Variants in FAM210A observed in about 807,000 individuals in gnomAD.
FAM210A encodes mitochondrial inner membrane scaffold 1, also known as family with sequence similarity 210 member A.
Under a neutral mutation model 25.3 loss-of-function variants are expected in FAM210A, and 13 were observed. The ratio of observed to expected loss-of-function variants is 0.51; its 90% CI spans 0.33 to 0.82. The LOEUF is 0.82. FAM210A is among the 40% of genes least tolerant of loss of function. The pLI, the probability that FAM210A is intolerant of heterozygous loss-of-function variation, is 0.02. For synonymous variants in FAM210A, 125 were observed against 118.7 expected, an observed-to-expected ratio of 1.05 and a Z score of -0.35; for missense variants, 319 against 323.2, an observed-to-expected ratio of 0.99 and a Z score of 0.10.
intron 1 of FAM210A, among the ~76,000 whole-genome samples, chr18:13,704,641 G>C (rs533433772): frequency 1.6e-4 from 24 of 152,208 alleles, no homozygotes; most frequent in South Asian, 4.1e-4. Flanking sequence ...CAAAAGAGAG[G>C]TAAGCACAGG....
chr18:13,676,399 C>T (rs1234403204), intron 2 of FAM210A, among the ~76,000 whole-genome samples: 2 of 127,732 alleles, frequency 1.6e-5, no homozygotes, highest in African/African-American at 5.2e-5. Context: ...TGAGCCCTGG[C>T]TTCTTTATTT....
At chr18:13,671,725 C>A (rs1221322598) in intron 3 of FAM210A, 137 bp downstream of exon 3, 6 of 470,280 alleles carry the variant, frequency 1.3e-5, no homozygotes, top group Non-Finnish European at 2.0e-5. Context: ...TTACATTATT[C>A]ACCAGACATA....
chr18:13,692,036 CA>C (rs2043649249), intron 1 of FAM210A, among the ~76,000 whole-genome samples: 1 of 144,612 alleles, frequency 6.9e-6, no homozygotes, highest in South Asian at 2.3e-4. Context: ...CACACAGACT[CA>C]AAATAAAGGG....
At chr18:13,669,896 G>C (rs1304346006) in intron 3 of FAM210A, among the ~76,000 whole-genome samples, 1 of 152,178 alleles carries the variant, frequency 6.6e-6, no homozygotes. Flanking sequence ...ACTTTGTCTT[G>C]TTGAAGCAAT....
At chr18:13,670,156 C>CT (rs1406550609) in intron 3 of FAM210A, among the ~76,000 whole-genome samples, 1 of 152,162 alleles carries the variant, frequency 6.6e-6, no homozygotes, top group Non-Finnish European at 1.5e-5. Flanking sequence ...AGACATGATT[C>CT]TGAGTTCCTG....
chr18:13,690,512 C>T (rs1374105965), intron 1 of FAM210A, among the ~76,000 whole-genome samples: 1 of 152,176 alleles, frequency 6.6e-6, no homozygotes, highest in Non-Finnish European at 1.5e-5. Flanking sequence ...CCAGTAGGGG[C>T]CGACTGACAC....
At chr18:13,687,445 C>CTT (rs1555789897) in intron 1 of FAM210A, among the ~76,000 whole-genome samples, 1 of 152,062 alleles carries the variant, frequency 6.6e-6, no homozygotes, top group Non-Finnish European at 1.5e-5. Context: ...CAGGGAGAAG[C>CTT]AAAAAGGGCT....
chr18:13,693,048 A>C (rs2043661569), intron 1 of FAM210A, among the ~76,000 whole-genome samples: 1 of 152,214 alleles, frequency 6.6e-6, no homozygotes, highest in Non-Finnish European at 1.5e-5. Flanking sequence ...AGACACAATA[A>C]AAAATGATAA....
intron 1 of FAM210A, among the ~76,000 whole-genome samples, chr18:13,720,944 G>A (rs759975656): frequency 2.0e-5 from 3 of 152,174 alleles, no homozygotes; most frequent in Non-Finnish European, 4.4e-5. Flanking sequence ...CTCCCTGTGT[G>A]AATGTCTGTG....
chr18:13,693,909 G>C (rs1479052862), intron 1 of FAM210A, among the ~76,000 whole-genome samples: 1 of 152,176 alleles, frequency 6.6e-6, no homozygotes, highest in Non-Finnish European at 1.5e-5. Flanking sequence ...AATAAATAAA[G>C]GGTATTCAAT....
At chr18:13,672,114 T>G (rs1383496567) in intron 2 of FAM210A, 141 bp from the exon 3 acceptor site, 1 of 572,904 alleles carries the variant, frequency 1.7e-6, no homozygotes, top group Non-Finnish European at 3.1e-6. Flanking sequence ...CACTTTACCT[T>G]CACTCTAAGA....
chr18:13,671,748 T>C (rs2043444488), intron 3 of FAM210A, 114 bp downstream of exon 3: 1 of 576,466 alleles, frequency 1.7e-6, no homozygotes, highest in South Asian at 2.5e-5. Flanking sequence ...AGAGATGAAA[T>C]ACAGCGTTTC....
At chr18:13,699,014 T>C (rs1196898652) in intron 1 of FAM210A, among the ~76,000 whole-genome samples, 2 of 152,214 alleles carry the variant, frequency 1.3e-5, no homozygotes, top group Non-Finnish European at 2.9e-5. Flanking sequence ...CTCGCTATGT[T>C]GCCCAGGCTG....
intron 1 of FAM210A, among the ~76,000 whole-genome samples, chr18:13,683,014 G>C (rs947163234): frequency 2.0e-5 from 3 of 152,158 alleles, no homozygotes; most frequent in Non-Finnish European, 2.9e-5. Context: ...GAAAAAATAA[G>C]ATCTGGGTTC....
In FAM210A at chr18:13,671,734, T is replaced by C. The variant is rs1029021940; in HGVS notation, c.585+128A>G. On this transcript the variant is annotated intron_variant, in intron 3 of 3. Transcript: ENST00000651643. ...ATTATCTTACATTATTCACCAGACA[T>C]ATCAGAGATGAAATACAGCGTTTCA... 25 of 522,384 alleles carry C rather than the reference T, an allele frequency of 4.8e-5. 2 individuals carry two copies. In the Middle Eastern group the frequency reaches 8.8e-4, roughly 18 times the overall value. 32.4% of individuals were successfully genotyped at this position (522,384 alleles called of 1,614,324 possible).
chr18:13,701,400 G>T (rs1003753338), intron 1 of FAM210A, among the ~76,000 whole-genome samples: 7 of 152,070 alleles, frequency 4.6e-5, no homozygotes, highest in Non-Finnish European at 8.8e-5. Flanking sequence ...CATCTGACTG[G>T]GTCAGAAAGA....
At chr18:13,709,163 T>A (rs1042509841) in intron 1 of FAM210A, among the ~76,000 whole-genome samples, 1 of 152,212 alleles carries the variant, frequency 6.6e-6, no homozygotes, top group African/African-American at 2.4e-5. Context: ...ATATATAAGC[T>A]GACCATATAT....
intron 1 of FAM210A, among the ~76,000 whole-genome samples, chr18:13,701,390 C>T (rs1276152160): frequency 6.6e-6 from 1 of 152,190 alleles, no homozygotes; most frequent in African/African-American, 2.4e-5. Context: ...AGGCCTCTTA[C>T]ATCTGACTGG....
intron 1 of FAM210A, among the ~76,000 whole-genome samples, chr18:13,700,017 C>G (rs150477071): frequency 2.0e-5 from 3 of 152,318 alleles, no homozygotes; most frequent in Admixed American, 2.0e-4. Flanking sequence ...TTTCTCCACA[C>G]ATCAAGCAAT....
Sources: gnomAD v4.1 joint callset for allele counts (sites outside exome capture counted in the v4.1 genomes callset) on GRCh38, gnomAD v4.1.1 for gene constraint, MANE v1.5 for transcripts, NCBI Gene and HGNC (gene_info 2026-07-23, HGNC 2026-07-21) for gene names.